EYS: variants seen among roughly 807,000 people sequenced by gnomAD.
The protein encoded by EYS is protein eyes shut homolog.
EYS carries 250 observed loss-of-function variants against 282.1 expected under a neutral mutation model. That is an observed-to-expected ratio of 0.89 (90% CI 0.80 to 0.98). EYS has a LOEUF of 0.98. Among genes scored for constraint, EYS ranks in the 50% least tolerant of loss-of-function variants. EYS has a pLI of 0.00. For synonymous variants in EYS, 1,355 were observed against 1,282.9 expected (o/e 1.06, Z -1.20); for missense variants, 4,016 against 3,709.0 (o/e 1.08, Z -2.15).
chr6:64,507,976 C>G (rs554792184), intron 26 of EYS, among the ~76,000 whole-genome samples: 14 of 152,136 alleles, frequency 9.2e-5, no homozygotes, highest in African/African-American at 2.9e-4. Flanking sequence ...CTGAGTGGAA[C>G]GACAAGGTGT....
chr6:63,874,694 G>C (rs1372494026), intron 35 of EYS, among the ~76,000 whole-genome samples: 1 of 152,160 alleles, frequency 6.6e-6, no homozygotes, highest in African/African-American at 2.4e-5. Flanking sequence ...CACATCCTTT[G>C]TAAGTTGGAT....
intron 11 of EYS, chr6:65,332,126 T>C (rs1251026310): frequency 9.0e-6 from 4 of 446,898 alleles, no homozygotes; most frequent in African/African-American, 2.0e-5. Flanking sequence ...TTCATTCTTC[T>C]TATTTTTTTT....
intron 29 of EYS, among the ~76,000 whole-genome samples, chr6:64,333,796 C>T (rs1028448435): frequency 6.6e-6 from 1 of 152,140 alleles, no homozygotes; most frequent in Non-Finnish European, 1.5e-5. Flanking sequence ...ATTCAAATTC[C>T]TCCTATATCA....
At chr6:65,225,773 A>G (rs1468351673) in intron 12 of EYS, among the ~76,000 whole-genome samples, 1 of 151,834 alleles carries the variant, frequency 6.6e-6, no homozygotes, top group Non-Finnish European at 1.5e-5. Context: ...TAATTGAAAG[A>G]GACCAAAAAA....
intron 19 of EYS, among the ~76,000 whole-genome samples, chr6:64,878,257 G>A (rs958687370): frequency 6.6e-6 from 1 of 151,914 alleles, no homozygotes. Context: ...ATAATGGAGA[G>A]AATCCATACA....
At chr6:65,167,173 C>A (rs372046350) in intron 12 of EYS, among the ~76,000 whole-genome samples, 10 of 151,082 alleles carry the variant, frequency 6.6e-5, no homozygotes, top group African/African-American at 2.4e-4. Flanking sequence ...TACAGCATAG[C>A]AATTTTATCC....
intron 22 of EYS, among the ~76,000 whole-genome samples, chr6:64,653,047 AAAGTAAG>A (rs1476345576): frequency 6.6e-6 from 1 of 152,200 alleles, no homozygotes; most frequent in Non-Finnish European, 1.5e-5. Flanking sequence ...TTTGCCGATG[AAAGTAAG>A]ATGGGGTTAT....
chr6:65,299,052 T>C (rs1307379160), intron 11 of EYS, among the ~76,000 whole-genome samples: 3 of 152,052 alleles, frequency 2.0e-5, no homozygotes, highest in Non-Finnish European at 2.9e-5. Context: ...CAAAAGGAAA[T>C]CAAGTGTTTA....
intron 22 of EYS, among the ~76,000 whole-genome samples, chr6:64,714,721 T>C (rs377498595): frequency 1.7e-4 from 26 of 151,958 alleles, no homozygotes; most frequent in African/African-American, 6.3e-4. Context: ...AGAGACGGGG[T>C]TTCACCTTGT....
At position 64,749,566 on chromosome 6, in the gene EYS, T is replaced by G. The variant is rs545783821; in HGVS notation, c.3443+63812A>C. Among the ~76,000 whole-genome samples the G allele has an allele frequency of 5.3e-5, 8 of 152,298 alleles. No homozygotes were observed. The South Asian group carries it at 6.2e-4, about 12-fold the overall frequency. On this transcript the variant is annotated intron_variant, in intron 22 of 42. Coordinates refer to ENST00000503581, the MANE Select transcript of EYS (RefSeq NM_001142800.2). ...TATTCATAAAACCATATGAACTTCT[T>G]CTGCTGCTTCTACAGGTTGAATAAT... is the stretch of plus-strand genomic sequence containing the variant.
At chr6:64,271,587 T>C (rs370855062) in intron 30 of EYS, among the ~76,000 whole-genome samples, 2 of 152,266 alleles carry the variant, frequency 1.3e-5, no homozygotes, top group East Asian at 3.9e-4. Context: ...CCTTTTCTTT[T>C]TGTGAAGTCA....
chr6:65,081,258 T>G (rs1774223571), intron 12 of EYS, among the ~76,000 whole-genome samples: 1 of 152,046 alleles, frequency 6.6e-6, no homozygotes. Flanking sequence ...TTCCTTCTAG[T>G]AAATCACTAT....
chr6:63,841,748 A>G (rs1771965438), intron 36 of EYS, among the ~76,000 whole-genome samples: 1 of 152,018 alleles, frequency 6.6e-6, no homozygotes. Flanking sequence ...TCCTAATGCT[A>G]TCCCTCCCTT....
At chr6:64,599,969 A>G (rs530785128) in intron 24 of EYS, among the ~76,000 whole-genome samples, 33 of 152,306 alleles carry the variant, frequency 2.2e-4, no homozygotes, top group African/African-American at 7.7e-4. Flanking sequence ...TGGGCAAAAC[A>G]GTTTCTATTA....
rs2150096034 is a variant in EYS, at chr6:64,945,786, TACTC to T, written c.2381+3_2381+6del. 6.5e-7 allele frequency: 1 copy of T among 1,548,740 alleles called. No individual in the cohort carries two copies. The highest frequency in any genetic ancestry group is 1.4e-5 in the African/African-American group (1 of 72,990). Reference sequence around the variant, plus strand: ...TTCATGAAGAAAGCTAAAAATATGTTACTCACCGATAGCTTTTGTAAAGGTCAGT... The same window carrying T: ...TTCATGAAGAAAGCTAAAAATATGTTACCGATAGCTTTTGTAAAGGTCAGT... On this transcript the variant is annotated splice_donor_5th_base_variant and intron_variant, in intron 15 of 42. Transcript: ENST00000503581.
intron 30 of EYS, among the ~76,000 whole-genome samples, chr6:64,305,344 A>G (rs1015758608): frequency 9.2e-6 from 1 of 108,440 alleles, no homozygotes; most frequent in African/African-American, 3.7e-5. Context: ...CCCCAACAAA[A>G]TCCCAGTGAT....
rs530229059 is a variant in EYS at position 63,958,398 on chromosome 6, A to G, written c.7055+25985T>C. Among the ~76,000 whole-genome samples the G allele has an allele frequency of 3.1e-5, 3 of 96,460 alleles. 1 individual carries two copies. The highest frequency in any genetic ancestry group is 5.5e-4 in the East Asian group (2 of 3,610). 63.3% of individuals were successfully genotyped at this position (96,460 alleles called of 152,430 possible). On this transcript the variant is annotated intron_variant, in intron 35 of 42. Coordinates refer to ENST00000503581, the MANE Select transcript of EYS (RefSeq NM_001142800.2). ...TCATAGTGGAGGAGGAAGGAGGCCT[A>G]TGTTACACGAGGTTTGCTATGGTTT...
At chr6:64,244,866 T>C (rs1766958167) in intron 30 of EYS, among the ~76,000 whole-genome samples, 1 of 152,218 alleles carries the variant, frequency 6.6e-6, no homozygotes, top group South Asian at 2.1e-4. Context: ...CTAGGGTATA[T>C]GTGCACAACG....
intron 41 of EYS, among the ~76,000 whole-genome samples, chr6:63,757,460 A>ACTTTGCCCTTTGCCTTGTGATCTTG (rs922009030): frequency 6.6e-6 from 1 of 151,896 alleles, no homozygotes; most frequent in South Asian, 2.1e-4. Flanking sequence ...GGAGTTTTTG[A>ACTTTGCCCTTTGCCTTGTGATCTTG]CTTTGCCCTT....
Sources: allele counts gnomAD v4.1 joint callset (sites outside exome capture counted in the v4.1 genomes callset), GRCh38; gene constraint gnomAD v4.1.1; transcripts MANE v1.5; gene names NCBI Gene and HGNC (gene_info 2026-07-23, HGNC 2026-07-21).